DPH6: variants seen among roughly 807,000 people sequenced by gnomAD.
The protein encoded by DPH6 is diphthine--ammonia ligase.
Under a neutral mutation model 38.2 loss-of-function variants are expected in DPH6, and 33 were observed. That is an observed-to-expected ratio of 0.86 (90% CI 0.65 to 1.15). The LOEUF is 1.15. Among genes scored for constraint, DPH6 ranks in the 50% most tolerant of loss-of-function variants. The pLI is 0.00. For synonymous variants in DPH6, 108 were observed against 103.0 expected (o/e 1.05, Z -0.30); for missense variants, 325 against 320.0 (o/e 1.02, Z -0.12).
intron 3 of DPH6, among the ~76,000 whole-genome samples, chr15:35,283,411 C>T (rs2051916381): frequency 6.6e-6 from 1 of 151,984 alleles, no homozygotes; most frequent in Admixed American, 6.6e-5. Flanking sequence ...ATTCTCCTGC[C>T]TCAGGTTCCC....
At chr15:35,510,418 TTAAAAGACA>T (rs1162071871) in intron 3 of DPH6, among the ~76,000 whole-genome samples, 1 of 152,190 alleles carries the variant, frequency 6.6e-6, no homozygotes, top group Non-Finnish European at 1.5e-5. Flanking sequence ...ATTTCTTTAT[TTAAAAGACA>T]TAAAAGACAT....
At chr15:35,201,372 C>G in the DPH6 span, among the ~76,000 whole-genome samples, 9 of 151,766 alleles carry the variant, frequency 5.9e-5, no homozygotes, top group Admixed American at 1.3e-4. Flanking sequence ...TAGTACCATA[C>G]CACTCTAAAT....
At chr15:35,401,296 T>G (rs2053215722) in intron 6 of DPH6, 1 of 859,272 alleles carries the variant, frequency 1.2e-6, no homozygotes, top group Non-Finnish European at 2.0e-6. Context: ...GAATGACAAC[T>G]TTGGTAGTGG....
chr15:35,235,304 C>T (rs2051543437), intron 3 of DPH6, among the ~76,000 whole-genome samples: 1 of 152,172 alleles, frequency 6.6e-6, no homozygotes, highest in Non-Finnish European at 1.5e-5. Context: ...CCAGAGTTCC[C>T]ATGCAAGACA....
Position 35,323,112 on chromosome 15 carries a change from T to C in DPH6, n.200+50409A>G, listed in dbSNP as rs115326475. Among the ~76,000 whole-genome samples, 1,019 of 152,300 alleles carry C rather than the reference T, an allele frequency of 6.7e-3. 11 individuals are homozygous for C. The highest frequency in any genetic ancestry group is 0.024 in the African/African-American group (979 of 41,560). The stretch of plus-strand genomic sequence containing the variant: ...TCATGAATGACTTTGAGATGGATTT[T>C]AATCCTTCTCAAATCTTATATAGTG... On this transcript the variant is annotated intron_variant and non_coding_transcript_variant, in intron 3 of 3. Coordinates refer to the DPH6 transcript ENST00000560386.
At chr15:35,254,166 T>C (rs1015923196) in intron 3 of DPH6, among the ~76,000 whole-genome samples, 1 of 152,222 alleles carries the variant, frequency 6.6e-6, no homozygotes, top group Non-Finnish European at 1.5e-5. Context: ...CAAATGGGAC[T>C]GCACAAAGAA....
intron 5 of DPH6, among the ~76,000 whole-genome samples, chr15:35,427,490 AT>A (rs72501524): frequency 0.34 from 50,949 of 151,718 alleles, 10,092 homozygotes; most frequent in African/African-American, 0.56. Flanking sequence ...TCGAATTAAG[AT>A]TTTATGGAAT....
At position 35,279,068 on chromosome 15, in the gene DPH6, A is replaced by AAAAAT. The variant is rs1555390826; in HGVS notation, n.201-58487_201-58486insATTTT. On this transcript the variant is annotated intron_variant and non_coding_transcript_variant, in intron 3 of 3. Transcript: ENST00000560386. ...TGTCTCAAAAAAAAAAAAAAAAAAA[A>AAAAAT]ATATATATATATATATAATTTTGGA... is the stretch of plus-strand genomic sequence containing the variant. Among the ~76,000 whole-genome samples, 85 of 102,950 alleles carry AAAAAT rather than the reference A, an allele frequency of 8.3e-4. No homozygotes were observed. The East Asian group carries it at 0.017, about 21-fold the overall frequency. The allele number at this position is 102,950 out of a possible 152,430, so 67.5% of individuals were successfully genotyped here.
In DPH6 at chr15:35,391,602, G is replaced by A. The variant is rs1444931836; in HGVS notation, c.568-9686C>T. ...AGTTTGATCTCAGACTGCTGTGCTAGCAGTAAGCGAGGCTCCGTGGGCGTA... is the reference window on the plus strand; with the variant it reads ...AGTTTGATCTCAGACTGCTGTGCTAACAGTAAGCGAGGCTCCGTGGGCGTA... On this transcript the variant is annotated intron_variant, in intron 6 of 8. Transcript: ENST00000256538. Among the ~76,000 whole-genome samples the A allele has an allele frequency of 3.3e-5, 5 of 152,334 alleles. No individual in the cohort carries two copies. In the South Asian group the frequency reaches 8.3e-4, roughly 25 times the overall value.
intron 3 of DPH6, chr15:35,282,938 A>G (rs914453866): frequency 2.0e-5 from 7 of 342,984 alleles, no homozygotes; most frequent in African/African-American, 4.3e-5. Flanking sequence ...TTGGGTTTGC[A>G]CCAATGACAT....
Position 35,237,438 on chromosome 15 carries a change from C to A in DPH6, n.201-16856G>T. On this transcript the variant is annotated intron_variant and non_coding_transcript_variant, in intron 3 of 3. Coordinates refer to the DPH6 transcript ENST00000560386. The stretch of plus-strand genomic sequence containing the variant: ...AATGAAGGCAAACTCGAAGGCCTCA[C>A]AGATGAATCTGAATAACTGGAATTC... 16 of 1,605,058 alleles carry A rather than the reference C, an allele frequency of 1.0e-5. No individual in the cohort carries two copies. The South Asian group carries it at 1.8e-4, about 18-fold the overall frequency.
intron 3 of DPH6, among the ~76,000 whole-genome samples, chr15:35,464,808 A>G (rs141546627): frequency 2.0e-5 from 3 of 152,320 alleles, no homozygotes; most frequent in East Asian, 3.9e-4. Flanking sequence ...CCAGTGCACT[A>G]AAGTGTCAAG....
intron 3 of DPH6, among the ~76,000 whole-genome samples, chr15:35,502,518 A>G (rs1353301025): frequency 6.6e-6 from 1 of 152,042 alleles, no homozygotes; most frequent in Non-Finnish European, 1.5e-5. Context: ...AAGAATAGTA[A>G]GTAGTTAACA....
intron 8 of DPH6, 132 bp from the exon 9 acceptor site, chr15:35,372,335 T>C (rs1458491825): frequency 1.3e-6 from 1 of 758,684 alleles, no homozygotes; most frequent in African/African-American, 1.9e-5. Flanking sequence ...CAGGTAACAG[T>C]ATTGCTTCTT....
chr15:35,177,607 ATC>A, the DPH6 span, among the ~76,000 whole-genome samples: 16 of 128,308 alleles, frequency 1.2e-4, no homozygotes, highest in East Asian at 5.2e-4. Flanking sequence ...AAAAATCATC[ATC>A]ATCATCATCA....
the DPH6 span, among the ~76,000 whole-genome samples, chr15:35,161,081 G>A: frequency 2.6e-5 from 4 of 152,018 alleles, no homozygotes; most frequent in African/African-American, 7.2e-5. Flanking sequence ...CATGGCACAT[G>A]TATACATATG....
intron 3 of DPH6, among the ~76,000 whole-genome samples, chr15:35,476,751 A>T (rs2054268936): frequency 1.3e-5 from 2 of 151,814 alleles, no homozygotes; most frequent in African/African-American, 4.8e-5. Flanking sequence ...GTGACTTGAG[A>T]TTGAATTCCA....
chr15:35,198,947 T>C, the DPH6 span, among the ~76,000 whole-genome samples: 1 of 152,174 alleles, frequency 6.6e-6, no homozygotes, highest in South Asian at 2.1e-4. Context: ...TGGAGTTTCA[T>C]TCACTTTTGT....
chr15:35,494,653 C>A (rs1432152169), intron 3 of DPH6, among the ~76,000 whole-genome samples: 1 of 151,962 alleles, frequency 6.6e-6, no homozygotes, highest in African/African-American at 2.4e-5. Context: ...TTCAATTGAA[C>A]AATTGTTCAA....
Sources: allele counts gnomAD v4.1 joint callset (sites outside exome capture counted in the v4.1 genomes callset), GRCh38; gene constraint gnomAD v4.1.1; transcripts MANE v1.5; gene names NCBI Gene and HGNC (gene_info 2026-07-23, HGNC 2026-07-21).